The following TMEM132D variants were observed in gnomAD, a reference collection of about 807,000 sequenced individuals.
TMEM132D encodes the protein mature OL transmembrane protein.
TMEM132D carries 21 observed loss-of-function variants against 62.3 expected under a neutral mutation model. The observed-to-expected ratio is 0.34, with a 90% CI of 0.24 to 0.49. The LOEUF is 0.49. TMEM132D is among the 20% of genes least tolerant of loss of function. TMEM132D has a pLI of 0.99. For missense variants in TMEM132D, 1,346 were observed against 1,402.8 expected, an observed-to-expected ratio of 0.96 and a Z score of 0.65; for synonymous variants, 621 against 575.6, an observed-to-expected ratio of 1.08 and a Z score of -1.13.
intron 1 of TMEM132D, among the ~76,000 whole-genome samples, chr12:129,849,866 T>C (rs897417317): frequency 5.9e-5 from 9 of 152,222 alleles, no homozygotes. Context: ...CGAGGTTTTA[T>C]CTTGGTGCTG....
intron 4 of TMEM132D, among the ~76,000 whole-genome samples, chr12:129,325,602 C>T (rs7298754): frequency 0.18 from 27,659 of 152,068 alleles, 3,417 homozygotes; most frequent in Non-Finnish European, 0.27. Flanking sequence ...TGGCATAAAA[C>T]CTGAAATATG....
chr12:129,486,367 C>T (rs1874579204), intron 3 of TMEM132D, among the ~76,000 whole-genome samples: 2 of 152,160 alleles, frequency 1.3e-5, no homozygotes, highest in African/African-American at 4.8e-5. Context: ...TGAATCCAAA[C>T]CAAGCTGGCA....
chr12:129,710,750 C>T lies in TMEM132D; in HGVS notation c.80-10052G>A, dbSNP rs369637908. Among the ~76,000 whole-genome samples the T allele has an allele frequency of 1.2e-4, 18 of 152,314 alleles. 1 individual carries two copies. The highest frequency in any genetic ancestry group is 3.6e-4 in the African/African-American group (15 of 41,574). On this transcript the variant is annotated intron_variant, in intron 1 of 8. Transcript: ENST00000422113. The stretch of plus-strand genomic sequence containing the variant: ...AACTAGGTCCAGAAAGAGGCGAACA[C>T]TTGAAAGCCCGCAGCCATGCTCCTC...
At chr12:129,820,258 C>G (rs1227709532) in intron 1 of TMEM132D, among the ~76,000 whole-genome samples, 1 of 152,156 alleles carries the variant, frequency 6.6e-6, no homozygotes, top group Non-Finnish European at 1.5e-5. Context: ...TGCTCTTAAC[C>G]CACTCAATGT....
In TMEM132D at chr12:129,420,388, A is replaced by C. The variant is rs115132633; in HGVS notation, c.1116-82571T>G. Among the ~76,000 whole-genome samples the C allele has an allele frequency of 7.8e-3, 1,121 of 144,418 alleles. 12 individuals are homozygous for C. The highest frequency in any genetic ancestry group is 0.028 in the African/African-American group (1,062 of 37,642). 94.7% of individuals were successfully genotyped at this position (144,418 alleles called of 152,430 possible). Reference sequence around the variant, plus strand: ...AACTGTCAATCATCTTTCCTACAAAACCTGCTTCTGACAGGTTTACAAATG... The same window carrying C: ...AACTGTCAATCATCTTTCCTACAAACCCTGCTTCTGACAGGTTTACAAATG... On this transcript the variant is annotated intron_variant, in intron 3 of 8. Transcript: ENST00000422113.
chr12:129,206,426 G>A (rs1565996938), intron 5 of TMEM132D, among the ~76,000 whole-genome samples: 2 of 152,122 alleles, frequency 1.3e-5, no homozygotes, highest in East Asian at 3.8e-4. Flanking sequence ...CAGTCAGATG[G>A]CCTATTATTA....
chr12:129,102,488 ACACACACACTTGCATATGCACG>A (rs1875345284), intron 5 of TMEM132D, among the ~76,000 whole-genome samples: 1 of 150,312 alleles, frequency 6.7e-6, no homozygotes, highest in Non-Finnish European at 1.5e-5. Context: ...CACAATGCAC[ACACACACACTTGCATATGCACG>A]CACACACGCA....
chr12:129,172,815 C>T (rs954198974), intron 5 of TMEM132D, among the ~76,000 whole-genome samples: 3 of 152,094 alleles, frequency 2.0e-5, no homozygotes, highest in Non-Finnish European at 2.9e-5. Flanking sequence ...CGGCCTCAGG[C>T]GATCCACCCA....
chr12:129,606,122 C>T (rs963580709), intron 2 of TMEM132D, among the ~76,000 whole-genome samples: 3 of 152,182 alleles, frequency 2.0e-5, no homozygotes, highest in African/African-American at 7.2e-5. Flanking sequence ...GGATGGTGCT[C>T]ACATCTCTCC....
intron 1 of TMEM132D, among the ~76,000 whole-genome samples, chr12:129,899,439 G>A (rs1253648067): frequency 1.1e-4 from 16 of 147,314 alleles, no homozygotes; most frequent in African/African-American, 3.9e-4. Flanking sequence ...GGATGGATGG[G>A]TGGATGGGTA....
chr12:129,617,672 C>T (rs147059053), intron 2 of TMEM132D, among the ~76,000 whole-genome samples: 5 of 152,224 alleles, frequency 3.3e-5, no homozygotes, highest in Non-Finnish European at 5.9e-5. Flanking sequence ...GTGCTGTCAA[C>T]GGTGCCTCAC....
At chr12:129,744,751 T>C (rs1166447898) in intron 1 of TMEM132D, among the ~76,000 whole-genome samples, 1 of 151,950 alleles carries the variant, frequency 6.6e-6, no homozygotes, top group Non-Finnish European at 1.5e-5. Context: ...CGCAAATGAG[T>C]AGAAAAGGCC....
At chr12:129,090,968 C>T (rs1308239382) in intron 5 of TMEM132D, among the ~76,000 whole-genome samples, 1 of 152,124 alleles carries the variant, frequency 6.6e-6, no homozygotes, top group Non-Finnish European at 1.5e-5. Context: ...ATGTCTCCAC[C>T]CAAAAGTGGA....
chr12:129,112,815 G>T (rs1053316070), intron 5 of TMEM132D, among the ~76,000 whole-genome samples: 7 of 152,158 alleles, frequency 4.6e-5, no homozygotes, highest in Non-Finnish European at 7.4e-5. Context: ...GAAGGTCTTG[G>T]TGAACAGTGC....
intron 2 of TMEM132D, among the ~76,000 whole-genome samples, chr12:129,616,073 G>T (rs567531270): frequency 1.3e-5 from 2 of 152,274 alleles, no homozygotes; most frequent in African/African-American, 4.8e-5. Flanking sequence ...AAAACAAGAG[G>T]CTGAGGCTGG....
At chr12:129,728,110 A>ACTAC (rs1463028803) in intron 1 of TMEM132D, among the ~76,000 whole-genome samples, 1 of 152,218 alleles carries the variant, frequency 6.6e-6, no homozygotes, top group African/African-American at 2.4e-5. Flanking sequence ...GACCCCATTG[A>ACTAC]CGGTACTGGG....
At chr12:129,349,531 T>C (rs1333640765) in intron 3 of TMEM132D, among the ~76,000 whole-genome samples, 1 of 152,210 alleles carries the variant, frequency 6.6e-6, no homozygotes, top group Non-Finnish European at 1.5e-5. Context: ...GTCTTACCTT[T>C]TTATAGGAAA....
chr12:129,507,469 A>G (rs1196265068), intron 3 of TMEM132D, among the ~76,000 whole-genome samples: 1 of 152,246 alleles, frequency 6.6e-6, no homozygotes, highest in Non-Finnish European at 1.5e-5. Context: ...CCAAATGATC[A>G]TCAATCAACG....
chr12:129,738,272 A>G (rs2137257368), intron 1 of TMEM132D, among the ~76,000 whole-genome samples: 1 of 152,274 alleles, frequency 6.6e-6, no homozygotes, highest in South Asian at 2.1e-4. Context: ...TCCACAGTGC[A>G]CACCTTCCTC....
Sources: allele counts gnomAD v4.1 joint callset (sites outside exome capture counted in the v4.1 genomes callset), GRCh38; gene constraint gnomAD v4.1.1; transcripts MANE v1.5; gene names NCBI Gene and HGNC (gene_info 2026-07-23, HGNC 2026-07-21).